Variants in WWOX observed in about 807,000 individuals in gnomAD.
WWOX encodes the protein WW domain containing oxidoreductase, also known as WW domain-containing oxidoreductase.
WWOX carries 69 observed loss-of-function variants against 46.2 expected under a neutral mutation model. That is an observed-to-expected ratio of 1.49 (90% confidence interval 1.23 to 1.82). The LOEUF is 1.82. WWOX is among the 40% of genes most tolerant of loss of function. The probability of loss-of-function intolerance (pLI) is 0.00; values close to 1 mark genes in which losing one functional copy is unlikely to be tolerated. For missense variants in WWOX, 919 were observed against 542.6 expected, an observed-to-expected ratio of 1.69 and a Z score of -6.89; for synonymous variants, 359 against 202.6, an observed-to-expected ratio of 1.77 and a Z score of -6.56.
intron 8 of WWOX, among the ~76,000 whole-genome samples, chr16:78,613,738 A>G (rs1039245926): frequency 1.4e-4 from 21 of 152,284 alleles, no homozygotes; most frequent in African/African-American, 4.8e-4. Context: ...CCAGCCGAGA[A>G]TGCTTTCCAA....
intron 5 of WWOX, among the ~76,000 whole-genome samples, chr16:78,259,874 T>C (rs1210474635): frequency 6.6e-6 from 1 of 151,488 alleles, no homozygotes; most frequent in Non-Finnish European, 1.5e-5. Flanking sequence ...TTTATGCTTA[T>C]ATTATTTATA....
chr16:78,645,939 C>T (rs978789303), intron 8 of WWOX, among the ~76,000 whole-genome samples: 7 of 152,170 alleles, frequency 4.6e-5, no homozygotes, highest in Admixed American at 3.9e-4. Flanking sequence ...ATCCTTAAAA[C>T]CAGCAGTGCA....
chr16:78,982,619 G>A (rs2046705016), intron 8 of WWOX, among the ~76,000 whole-genome samples: 1 of 152,172 alleles, frequency 6.6e-6, no homozygotes. Context: ...CTTGACAGGA[G>A]CAGGCAGAGA....
intron 8 of WWOX, among the ~76,000 whole-genome samples, chr16:79,011,173 AC>A (rs1208033067): frequency 7.0e-6 from 1 of 143,448 alleles, no homozygotes; most frequent in Non-Finnish European, 1.5e-5. Context: ...ACACACACAC[AC>A]TTTTTTGGAA....
chr16:78,120,388 G>A (rs1350804825), intron 4 of WWOX, among the ~76,000 whole-genome samples: 1 of 152,032 alleles, frequency 6.6e-6, no homozygotes, highest in Non-Finnish European at 1.5e-5. Flanking sequence ...GGCTAACAAG[G>A]TGAAACCCCG....
At chr16:78,527,343 G>C (rs988807378) in intron 8 of WWOX, among the ~76,000 whole-genome samples, 44 of 144,134 alleles carry the variant, frequency 3.1e-4, no homozygotes, top group African/African-American at 9.2e-4. Context: ...GCCTAGACTA[G>C]AGTGCAGTGG....
chr16:79,128,312 G>C (rs2049802400), intron 8 of WWOX, among the ~76,000 whole-genome samples: 1 of 149,322 alleles, frequency 6.7e-6, no homozygotes, highest in Non-Finnish European at 1.5e-5. Context: ...AATTTTGTTA[G>C]TACAACGTCC....
At chr16:79,135,285 A>G (rs1051471897) in intron 8 of WWOX, among the ~76,000 whole-genome samples, 2 of 152,196 alleles carry the variant, frequency 1.3e-5, no homozygotes, top group African/African-American at 2.4e-5. Context: ...GTTAATTTAC[A>G]TGTATGTCTT....
At chr16:79,122,306 G>A (rs553790206) in intron 8 of WWOX, among the ~76,000 whole-genome samples, 2 of 152,272 alleles carry the variant, frequency 1.3e-5, no homozygotes, top group South Asian at 2.1e-4. Flanking sequence ...AGGAAGCAAC[G>A]AGTCCCTTGT....
At chr16:78,901,483 C>T (rs981219797) in intron 8 of WWOX, among the ~76,000 whole-genome samples, 1 of 152,062 alleles carries the variant, frequency 6.6e-6, no homozygotes, top group Non-Finnish European at 1.5e-5. Flanking sequence ...AGCTGGTAGT[C>T]AGTGTTCTCT....
At chr16:78,152,271 A>G (rs1249970650) in intron 4 of WWOX, among the ~76,000 whole-genome samples, 1 of 152,212 alleles carries the variant, frequency 6.6e-6, no homozygotes, top group Admixed American at 6.5e-5. Flanking sequence ...TTTAGGTGTA[A>G]CACAGTATTT....
At chr16:79,156,938 A>T (rs147286331) in intron 8 of WWOX, among the ~76,000 whole-genome samples, 1 of 152,362 alleles carries the variant, frequency 6.6e-6, no homozygotes, top group Non-Finnish European at 1.5e-5. Flanking sequence ...TATGTGAATT[A>T]TCATCAGAAG....
chr16:78,991,550 A>T (rs968101600), intron 8 of WWOX, among the ~76,000 whole-genome samples: 1 of 145,162 alleles, frequency 6.9e-6, no homozygotes, highest in Non-Finnish European at 1.5e-5. Flanking sequence ...ATAGTGAGCC[A>T]TGATTGCACC....
At chr16:78,130,915 A>G (rs976475120) in intron 4 of WWOX, among the ~76,000 whole-genome samples, 1 of 152,200 alleles carries the variant, frequency 6.6e-6, no homozygotes, top group African/African-American at 2.4e-5. Flanking sequence ...TGCAACCCTC[A>G]TAGGATGTAC....
At chr16:78,809,927 C>G (rs539967640) in intron 8 of WWOX, among the ~76,000 whole-genome samples, 36 of 152,188 alleles carry the variant, frequency 2.4e-4, no homozygotes, top group Non-Finnish European at 4.1e-4. Flanking sequence ...CTCACCTTCT[C>G]AAAGCAAAGT....
chr16:79,198,099 T>A (rs184885339), intron 8 of WWOX, among the ~76,000 whole-genome samples: 1 of 150,744 alleles, frequency 6.6e-6, no homozygotes, highest in Admixed American at 6.6e-5. Flanking sequence ...CCAAGACAGG[T>A]GGATCACCTG....
chr16:78,963,117 A>G (rs1051341937), intron 8 of WWOX, among the ~76,000 whole-genome samples: 4 of 152,162 alleles, frequency 2.6e-5, no homozygotes, highest in Admixed American at 2.6e-4. Flanking sequence ...CTCTATTTGC[A>G]TCTCTATCCA....
At chr16:79,081,798 T>G (rs2048765253) in intron 8 of WWOX, among the ~76,000 whole-genome samples, 1 of 152,072 alleles carries the variant, frequency 6.6e-6, no homozygotes, top group Non-Finnish European at 1.5e-5. Context: ...GCCTCTGGTC[T>G]CCAGCAGAAG....
At chr16:78,772,734 G>C (rs901547303) in intron 8 of WWOX, among the ~76,000 whole-genome samples, 1 of 152,154 alleles carries the variant, frequency 6.6e-6, no homozygotes, top group Non-Finnish European at 1.5e-5. Flanking sequence ...ACCTAGGTAA[G>C]TTGGCTAGGC....
Sources: gnomAD v4.1 joint callset for allele counts (sites outside exome capture counted in the v4.1 genomes callset) on GRCh38, gnomAD v4.1.1 for gene constraint, MANE v1.5 for transcripts, NCBI Gene and HGNC (gene_info 2026-07-23, HGNC 2026-07-21) for gene names.